FOXK2: variants seen among roughly 807,000 people sequenced by gnomAD.
The protein encoded by FOXK2 is forkhead box K2, also known as forkhead box protein K2.
FOXK2 carries 24 observed loss-of-function variants against 53.3 expected under a neutral mutation model. The observed-to-expected ratio is 0.45, with a 90% confidence interval of 0.33 to 0.63. The LOEUF (loss-of-function observed/expected upper bound fraction) is 0.63, where lower values mean the gene tolerates loss of function less well. Among genes scored for constraint, FOXK2 ranks in the 30% least tolerant of loss-of-function variants. The pLI, the probability that FOXK2 is intolerant of heterozygous loss-of-function variation, is 0.03. For synonymous variants in FOXK2, 505 were observed against 407.1 expected (o/e 1.24, Z -2.89); for missense variants, 952 against 910.5 (o/e 1.05, Z -0.59).
intron 5 of FOXK2, among the ~76,000 whole-genome samples, chr17:82,583,732 C>T (rs375125337): frequency 4.2e-4 from 64 of 152,298 alleles, no homozygotes; most frequent in Middle Eastern, 3.4e-3. Context: ...CGTCAGTGCA[C>T]GGGAGCTGCT....
In FOXK2 at chr17:82,601,565, C is replaced by T. The variant is rs1166272082; in HGVS notation, c.*66C>T. The T allele has an allele frequency of 8.8e-6, 13 of 1,483,928 alleles. No individual in the cohort carries two copies. Among genetic ancestry groups the T allele is most frequent in the Non-Finnish European group, 1.2e-5 (13 of 1,107,322 alleles). 91.9% of individuals were successfully genotyped at this position (1,483,928 alleles called of 1,614,324 possible). ...TGCCAAAAGGAGACGCGGCCTCCCG[C>T]CAGCACTCGGGGGTGCAGGGCCCTG... On this transcript the variant is annotated 3_prime_UTR_variant, in exon 9 of 9. Coordinates refer to ENST00000335255, the MANE Select transcript of FOXK2 (RefSeq NM_004514.4).
intron 8 of FOXK2, 75 bp from the exon 9 acceptor site, chr17:82,601,228 C>A: frequency 6.7e-7 from 1 of 1,481,920 alleles, no homozygotes; most frequent in Non-Finnish European, 9.2e-7. Flanking sequence ...CGAGGGTTCA[C>A]GTGAGAGCGT....
intron 1 of FOXK2, among the ~76,000 whole-genome samples, chr17:82,521,157 A>C (rs2044357871): frequency 6.6e-6 from 1 of 151,806 alleles, no homozygotes; most frequent in Admixed American, 6.6e-5. Context: ...GCCTTTGTCC[A>C]CACAAACTGG....
At position 82,585,927 on chromosome 17, in the gene FOXK2, G is replaced by C. The variant is rs1567984240; in HGVS notation, c.1303G>C (p.Val435Leu). ...AGGGTCACCTCTGTCCAGTCAGCCA[G>C]TCTTAATCACCGTCCAGCGGCAGCT... The part of the protein sequence containing the change: ...APGSPLSSQP[V>L]LITVQRQLPQ... Residue 435 changes from valine (V) to leucine (L), a missense_variant, in exon 7 of 9, where the codon GTC (valine) becomes CTC (leucine). Physicochemically the swap from Val to Leu is conservative, Grantham distance 32. Transcript: ENST00000335255. 6.2e-7 allele frequency: 1 copy of C among 1,612,314 alleles called. No homozygotes were observed. The highest frequency in any genetic ancestry group is 8.5e-7 in the Non-Finnish European group (1 of 1,179,552).
At chr17:82,584,905 A>T (rs1435901496) in intron 6 of FOXK2, among the ~76,000 whole-genome samples, 1 of 152,250 alleles carries the variant, frequency 6.6e-6, no homozygotes, top group Non-Finnish European at 1.5e-5. Flanking sequence ...ACTTAGTCAT[A>T]ATGTGGAATA....
intron 1 of FOXK2, among the ~76,000 whole-genome samples, chr17:82,529,906 G>GGCTGATACAGATA (rs2044456913): frequency 6.6e-6 from 1 of 152,146 alleles, no homozygotes; most frequent in African/African-American, 2.4e-5. Context: ...GACTTAATTA[G>GGCTGATACAGATA]GCTGATACAG....
At chr17:82,528,402 T>G (rs1045186921) in intron 1 of FOXK2, among the ~76,000 whole-genome samples, 3 of 152,194 alleles carry the variant, frequency 2.0e-5, no homozygotes, top group African/African-American at 7.2e-5. Flanking sequence ...GGTAGTAGTA[T>G]TCTTATCTGT....
rs566149753 is a variant in FOXK2, at chr17:82,575,195, G to A, written c.909+3325G>A. 1.9e-3 allele frequency among the ~76,000 whole-genome samples: 288 copies of A among 152,280 alleles called. 1 individual carries two copies. Among genetic ancestry groups the A allele is most frequent in the African/African-American group, 6.7e-3 (278 of 41,558 alleles). On this transcript the variant is annotated intron_variant, in intron 4 of 8. Transcript: ENST00000335255. ...CAGCCAGTAAAGCTGTGCCCTGCCTGCTGCTCCTGCCGGGCTGGACCAGTG... is the reference window on the plus strand; with the variant it reads ...CAGCCAGTAAAGCTGTGCCCTGCCTACTGCTCCTGCCGGGCTGGACCAGTG...
chr17:82,525,954 T>TACTTTCTTACGTGGCCTGAATCCCAC (rs1567962873), intron 1 of FOXK2, among the ~76,000 whole-genome samples: 20 of 143,594 alleles, frequency 1.4e-4, no homozygotes, highest in African/African-American at 4.6e-4. Context: ...ATCCCACACT[T>TACTTTCTTACGTGGCCTGAATCCCAC]ACTTTCTTAT....
intron 1 of FOXK2, among the ~76,000 whole-genome samples, chr17:82,525,224 C>T (rs1483094641): frequency 6.6e-6 from 1 of 152,012 alleles, no homozygotes; most frequent in Non-Finnish European, 1.5e-5. Context: ...GGTGGGAGTG[C>T]AGTGACGCAG....
chr17:82,575,772 T>C (rs1392933083), intron 4 of FOXK2, among the ~76,000 whole-genome samples: 3 of 152,154 alleles, frequency 2.0e-5, no homozygotes, highest in Non-Finnish European at 1.5e-5. Context: ...ACACCCTAGA[T>C]AGACATCAGG....
At chr17:82,573,599 C>A (rs1023361080) in intron 4 of FOXK2, among the ~76,000 whole-genome samples, 3 of 147,254 alleles carry the variant, frequency 2.0e-5, no homozygotes, top group African/African-American at 5.0e-5. Context: ...CACACACACA[C>A]AACCAGATAA....
chr17:82,563,880 T>G (rs914387632), intron 2 of FOXK2, among the ~76,000 whole-genome samples: 1 of 148,120 alleles, frequency 6.8e-6, no homozygotes, highest in African/African-American at 2.5e-5. Flanking sequence ...GCCTCCTGAG[T>G]AGCTAGGACT....
chr17:82,531,983 G>A lies in FOXK2; in HGVS notation c.419+11676G>A, dbSNP rs145330533. The stretch of plus-strand genomic sequence containing the variant: ...AGCTTCCCGAGTAGCTGGGATTACA[G>A]GCTCACGCCGCCACGCCCGGCTAAT... On this transcript the variant is annotated intron_variant, in intron 1 of 8. Transcript: ENST00000335255. Among the ~76,000 whole-genome samples, 587 of 148,488 alleles carry A rather than the reference G, an allele frequency of 4.0e-3. 6 individuals carry two copies. The highest frequency in any genetic ancestry group is 0.013 in the African/African-American group (539 of 40,138).
chr17:82,588,010 G>T (rs2045210856), intron 8 of FOXK2, among the ~76,000 whole-genome samples: 1 of 151,718 alleles, frequency 6.6e-6, no homozygotes, highest in African/African-American at 2.4e-5. Flanking sequence ...TTTGAAAGAG[G>T]GTACAGGTCA....
chr17:82,553,004 C>T (rs1351621477), intron 1 of FOXK2, among the ~76,000 whole-genome samples: 1 of 152,214 alleles, frequency 6.6e-6, no homozygotes, highest in Non-Finnish European at 1.5e-5. Context: ...GACATGATCT[C>T]GGCTCATTGC....
rs137880799 is a variant in FOXK2 at position 82,539,791 on chromosome 17, C to A, written c.419+19484C>A. 9.3e-5 allele frequency among the ~76,000 whole-genome samples: 14 copies of A among 150,898 alleles called. No homozygotes were observed. In the East Asian group the frequency reaches 1.9e-3, roughly 21 times the overall value. ...ACCAGGCTGGCCAACATGGTGAAAC[C>A]CTGTCTCCGTTAAAAATACAAAAAA... On this transcript the variant is annotated intron_variant, in intron 1 of 8. Coordinates refer to ENST00000335255, the MANE Select transcript of FOXK2 (RefSeq NM_004514.4).
At chr17:82,540,500 A>G (rs926201468) in intron 1 of FOXK2, among the ~76,000 whole-genome samples, 4 of 151,924 alleles carry the variant, frequency 2.6e-5, no homozygotes, top group Non-Finnish European at 4.4e-5. Context: ...CTGTGTAGCC[A>G]TCCCATTGGC....
At chr17:82,587,360 C>T (rs751518721) in intron 8 of FOXK2, 88 bp downstream of exon 8, 12 of 1,030,014 alleles carry the variant, frequency 1.2e-5, no homozygotes, top group African/African-American at 3.1e-5. Context: ...CTGACTGTAA[C>T]AATTTTAGCT....
Sources: allele counts gnomAD v4.1 joint callset (sites outside exome capture counted in the v4.1 genomes callset), GRCh38; gene constraint gnomAD v4.1.1; transcripts MANE v1.5; gene names NCBI Gene and HGNC (gene_info 2026-07-23, HGNC 2026-07-21).